ZIM2: variants seen among roughly 807,000 people sequenced by gnomAD.
ZIM2 encodes the protein zinc finger imprinted 2.
A neutral mutation model predicts 38.6 loss-of-function variants in ZIM2; 14 were observed. That is an observed-to-expected ratio of 0.36 (90% CI 0.24 to 0.57). The LOEUF is 0.57. Among genes scored for constraint, ZIM2 ranks in the 20% least tolerant of loss-of-function variants. The pLI is 0.81. For synonymous variants in ZIM2, 247 were observed against 245.8 expected, an observed-to-expected ratio of 1.00 and a Z score of -0.04; for missense variants, 680 against 695.1, an observed-to-expected ratio of 0.98 and a Z score of 0.24.
At chr19:56,811,075 A>G in intron 9 of ZIM2, 1 of 984,588 alleles carries the variant, frequency 1.0e-6, no homozygotes, top group Non-Finnish European at 1.2e-6. Context: ...AGGAGAGTAT[A>G]TGTCTTTGGA....
At chr19:56,801,699 T>C (rs2047532927) in intron 9 of ZIM2, among the ~76,000 whole-genome samples, 1 of 152,118 alleles carries the variant, frequency 6.6e-6, no homozygotes, top group African/African-American at 2.4e-5. Flanking sequence ...ACCAATCCCA[T>C]AGAGAAGAGA....
At chr19:56,806,322 TC>T (rs753859267) in intron 9 of ZIM2, among the ~76,000 whole-genome samples, 1 of 152,244 alleles carries the variant, frequency 6.6e-6, no homozygotes, top group Non-Finnish European at 1.5e-5. Flanking sequence ...TAAGCTCTTA[TC>T]TCATTACTCT....
rs920451402 is a variant in ZIM2 at position 56,791,468 on chromosome 19, A to G, written c.491-1517T>C. ...GGAGCACAGAATGGGATTAATCATA[A>G]TCCTTAGTTCATGATATGCTATCTT... On this transcript the variant is annotated intron_variant, in intron 9 of 12. Transcript: ENST00000629319. 4.6e-5 allele frequency among the ~76,000 whole-genome samples: 7 copies of G among 152,304 alleles called. No homozygotes were observed. In the South Asian group the frequency reaches 1.4e-3, roughly 32 times the overall value.
At chr19:56,826,668 A>G (rs2061067940) in intron 2 of ZIM2, among the ~76,000 whole-genome samples, 1 of 152,210 alleles carries the variant, frequency 6.6e-6, no homozygotes, top group Non-Finnish European at 1.5e-5. Context: ...TGTCTTTATG[A>G]AACCAGAACA....
chr19:56,821,571 C>T, intron 7 of ZIM2, 80 bp downstream of exon 7: 2 of 1,559,538 alleles, frequency 1.3e-6, no homozygotes, highest in South Asian at 1.1e-5. Flanking sequence ...GGCAGATAAA[C>T]ACACCATCTG....
intron 9 of ZIM2, chr19:56,810,356 G>A (rs1438346407): frequency 6.1e-6 from 6 of 985,150 alleles, no homozygotes; most frequent in South Asian, 4.7e-5. Flanking sequence ...CAAGGAAACC[G>A]AAACAAAATA....
chr19:56,814,198 G>C lies in ZIM2; in HGVS notation c.490+3548C>G. ...TTCAGCCTCTCCGTTTGGCTCAGCA[G>C]CCTCCACTTCTGGCTCAGCAGCCTC... On this transcript the variant is annotated intron_variant, in intron 9 of 12. Transcript: ENST00000629319. This position sits in a 1 kb window ranked among gnomAD's most constrained non-coding sequence, Gnocchi z 5.8. The C allele has an allele frequency of 6.2e-7, 1 of 1,611,520 alleles. No homozygotes were observed. Among genetic ancestry groups the C allele is most frequent in the Non-Finnish European group, 8.5e-7 (1 of 1,178,266 alleles).
At chr19:56,792,530 C>CAAAAAAA (rs1215431208) in intron 9 of ZIM2, among the ~76,000 whole-genome samples, 3 of 20,950 alleles carry the variant, frequency 1.4e-4, no homozygotes, top group South Asian at 1.9e-3. Flanking sequence ...GACTCTGTCT[C>CAAAAAAA]AAAAAAAAAA....
chr19:56,787,464 C>G (rs558462272), intron 10 of ZIM2, among the ~76,000 whole-genome samples: 1 of 151,940 alleles, frequency 6.6e-6, no homozygotes, highest in African/African-American at 2.4e-5. Flanking sequence ...TTAGTAGAGA[C>G]GGGGTTTCAC....
chr19:56,837,492 T>C (rs2062289168), intron 1 of ZIM2, among the ~76,000 whole-genome samples: 1 of 152,252 alleles, frequency 6.6e-6, no homozygotes. Flanking sequence ...GAGTTTGGCC[T>C]TGGATTCCAC....
chr19:56,782,294 C>T, intron 10 of ZIM2, 173 bp from the exon 11 acceptor site: 1 of 857,112 alleles, frequency 1.2e-6, no homozygotes, highest in East Asian at 2.9e-5. Context: ...GAAACAGTTC[C>T]TATTGCTAAT....
intron 10 of ZIM2, among the ~76,000 whole-genome samples, chr19:56,782,659 C>T (rs1169107530): frequency 1.3e-5 from 2 of 151,982 alleles, no homozygotes; most frequent in Admixed American, 6.6e-5. Flanking sequence ...GATCCACTGG[C>T]GATGCTAAGG....
chr19:56,816,774 T>C, intron 9 of ZIM2: 3 of 1,614,156 alleles, frequency 1.9e-6, no homozygotes, highest in Non-Finnish European at 2.5e-6. Flanking sequence ...CTTTGCCATA[T>C]ATTTTCTGAA....
intron 9 of ZIM2, among the ~76,000 whole-genome samples, chr19:56,800,656 G>A (rs2047475483): frequency 6.6e-6 from 1 of 151,990 alleles, no homozygotes; most frequent in Admixed American, 6.5e-5. Flanking sequence ...TTTTTGGTAA[G>A]AAAAGAAATA....
chr19:56,828,381 C>A (rs757131219), intron 2 of ZIM2, among the ~76,000 whole-genome samples: 1 of 152,194 alleles, frequency 6.6e-6, no homozygotes, highest in Non-Finnish European at 1.5e-5. Context: ...AAATACAATG[C>A]CATCCCCTAT....
Position 56,789,943 on chromosome 19 carries a change from C to T in ZIM2, c.499G>A (p.Ala167Thr), listed in dbSNP as rs1268397533. 5 of 1,559,768 alleles carry T rather than the reference C, an allele frequency of 3.2e-6. No individual in the cohort carries two copies. In the Admixed American group the frequency reaches 8.6e-5, roughly 27 times the overall value. Residue 167 changes from alanine to threonine, a missense_variant, in exon 10 of 13, where the codon GCT becomes ACT. Transcript: ENST00000629319. Reference sequence around the variant, plus strand: ...TTTTCTGCAGGGACAGAGTCCTGAGCAAGGAAACCTAGAAGGGAGAGAGGA... The same window carrying T: ...TTTTCTGCAGGGACAGAGTCCTGAGTAAGGAAACCTAGAAGGGAGAGAGGA... Reference protein sequence around the residue: ...AYPSTSRGFLAQDSVPAEKRN... With the variant: ...AYPSTSRGFLTQDSVPAEKRN...
At chr19:56,794,918 A>G (rs888162519) in intron 9 of ZIM2, among the ~76,000 whole-genome samples, 1 of 152,238 alleles carries the variant, frequency 6.6e-6, no homozygotes, top group Non-Finnish European at 1.5e-5. Flanking sequence ...ATTGAAAAAT[A>G]TATCATTTTA....
intron 2 of ZIM2, among the ~76,000 whole-genome samples, chr19:56,832,460 C>T (rs1395704339): frequency 6.6e-6 from 1 of 152,234 alleles, no homozygotes; most frequent in African/African-American, 2.4e-5. Context: ...TGGCTCAAGA[C>T]TGAACTCTGG....
rs142757380 is a variant in ZIM2 at position 56,779,395 on chromosome 19, G to T, written c.817C>A (p.His273Asn). 2 of 1,613,880 alleles carry T rather than the reference G, an allele frequency of 1.2e-6. No individual in the cohort carries two copies. Among genetic ancestry groups the T allele is most frequent in the Non-Finnish European group, 1.7e-6 (2 of 1,179,858 alleles). The part of the protein sequence containing the change: ...ESYAMETDSR[H>N]TVICQGESHD... ...TACTCACCTTGACAAATCACTGTAT[G>T]TCTGCTGTCTGTCTCCATTGCATAT... is the stretch of plus-strand genomic sequence containing the variant. Residue 273 changes from histidine (H) to asparagine (N), a missense_variant, in exon 12 of 13, where the codon CAT becomes AAT. Coordinates refer to ENST00000629319, the MANE Select transcript of ZIM2 (RefSeq NM_001387356.1).
Sources: allele counts gnomAD v4.1 joint callset (sites outside exome capture counted in the v4.1 genomes callset), GRCh38; gene constraint gnomAD v4.1.1; non-coding constraint Gnocchi (gnomAD v3.1); transcripts MANE v1.5; gene names NCBI Gene and HGNC (gene_info 2026-07-23, HGNC 2026-07-21).